The following PTTG2 variants were observed in gnomAD, a reference collection of about 807,000 sequenced individuals.
PTTG2 encodes securin-2.
For missense variants in PTTG2, 218 were observed against 226.3 expected (o/e 0.96, Z 0.23); for synonymous variants, 90 against 84.2 (o/e 1.07, Z -0.37).
At position 37,960,689 on chromosome 4, in the gene PTTG2, G is replaced by A; in HGVS notation, c.255G>A (p.Gln85=). 6.2e-7 allele frequency: 1 copy of A among 1,614,200 alleles called. No individual in the cohort carries two copies. Among genetic ancestry groups the A allele is most frequent in the Non-Finnish European group, 8.5e-7 (1 of 1,180,032 alleles). The change falls in exon 1 of 1, where the codon CAG becomes CAA. Residue 85 remains glutamine (Q), a synonymous_variant. Coordinates refer to ENST00000504686, the MANE Select transcript of PTTG2 (RefSeq NM_006607.3). ...VKTNGPRKQK[Q]PSFSAKKMTE... Reference sequence around the variant, plus strand: ...CCAATGGACCCAGAAAACAAAAACAGCCAAGCTTTTCTGCCAAAAAGATGA... The same window carrying A: ...CCAATGGACCCAGAAAACAAAAACAACCAAGCTTTTCTGCCAAAAAGATGA...
Position 37,960,801 on chromosome 4 carries a change from C to A in PTTG2, c.367C>A (p.Leu123Ile), listed in dbSNP as rs769138743. ...AGAAAAATTCTTTCCCTTCAATCTT[C>A]TAGACTTTGAGAGTTTTGACCTGCC... is the stretch of plus-strand genomic sequence containing the variant. The part of the protein sequence containing the change: ...EIEKFFPFNL[L>I]DFESFDLPEE... The change falls in exon 1 of 1, where the codon CTA (leucine) becomes ATA (isoleucine). Residue 123 changes from leucine to isoleucine, a missense_variant. Transcript: ENST00000504686. 1 of 1,614,164 alleles carries A rather than the reference C, an allele frequency of 6.2e-7. No individual in the cohort carries two copies. Among genetic ancestry groups the A allele is most frequent in the Non-Finnish European group, 8.5e-7 (1 of 1,180,028 alleles).
chr4:37,960,870 C>G lies in PTTG2; in HGVS notation c.436C>G (p.Leu146Val). Residue 146 changes from leucine to valine, a missense_variant, in exon 1 of 1, where the codon CTC (leucine) becomes GTC (valine). Leu to Val is a conservative substitution (Grantham distance 32). Coordinates refer to ENST00000504686, the MANE Select transcript of PTTG2 (RefSeq NM_006607.3). ...ACACCTCCCCTTGAGTGGAGTGCCT[C>G]TCATGATCCTTGATGAGGAGGGAGA... ...IAHLPLSGVPLMILDEEGELE... is the reference protein window; with the variant it reads ...IAHLPLSGVPVMILDEEGELE... 2 of 1,614,174 alleles carry G rather than the reference C, an allele frequency of 1.2e-6. No individual in the cohort carries two copies. The highest frequency in any genetic ancestry group is 1.7e-6 in the Non-Finnish European group (2 of 1,180,032).
Position 37,960,740 on chromosome 4 carries a change from T to A in PTTG2, c.306T>A (p.Ser102Arg). The change falls in exon 1 of 1, where the codon AGT (serine) becomes AGA (arginine). Residue 102 changes from serine to arginine, a missense_variant. Physicochemically the swap from Ser to Arg is moderately radical, Grantham distance 110 (BLOSUM62 -1). Coordinates refer to ENST00000504686, the MANE Select transcript of PTTG2 (RefSeq NM_006607.3). Reference protein sequence around the residue: ...KMTEKTVKTKSSVPASDDAYP... With the variant: ...KMTEKTVKTKRSVPASDDAYP... ...CCGAGAAGACTGTTAAAACAAAAAG[T>A]TCTGTTCCTGCCTCAGATGACGCCT... 1 of 1,614,080 alleles carries A rather than the reference T, an allele frequency of 6.2e-7. No homozygotes were observed. The highest frequency in any genetic ancestry group is 2.2e-5 in the East Asian group (1 of 44,890).
chr4:37,960,658 TA>T, the PTTG2 span: 2 of 1,614,156 alleles, frequency 1.2e-6, no homozygotes, highest in Non-Finnish European at 1.7e-6. Flanking sequence ...GAAAAGTCAG[TA>T]AAGACCAATG....
At position 37,960,493 on chromosome 4, in the gene PTTG2, C is replaced by T; in HGVS notation, c.59C>T (p.Ala20Val). 1.9e-6 allele frequency: 3 copies of T among 1,614,052 alleles called. No homozygotes were observed. The highest frequency in any genetic ancestry group is 2.5e-6 in the Non-Finnish European group (3 of 1,179,990). Residue 20 changes from alanine to valine, a missense_variant, in exon 1 of 1, where the codon GCC becomes GTC. Ala to Val is a moderately conservative substitution (Grantham distance 64). Transcript: ENST00000504686. ...EIGEPGTRVA[A>V]KDVLKLESRP... ...GGAGAACCAGGCACCCGTGTGGCTG[C>T]CAAGGATGTGCTGAAGCTGGAGTCT...
Position 37,960,950 on chromosome 4 carries a change from A to G in PTTG2, c.516A>G (p.Pro172=). The change falls in exon 1 of 1, where the codon CCA becomes CCG. Residue 172 remains proline (P), a synonymous_variant. Transcript: ENST00000504686. Reference sequence around the variant, plus strand: ...CTTCACCTGTGAAAATGCCCTCTCCACCATGGGAATGCAATCTGTTTGCAG... The same window carrying G: ...CTTCACCTGTGAAAATGCCCTCTCCGCCATGGGAATGCAATCTGTTTGCAG... The part of the protein sequence containing the change: ...GPPSPVKMPS[P]PWECNLFAVS... The G allele has an allele frequency of 1.2e-6, 2 of 1,614,110 alleles. No individual in the cohort carries two copies. The highest frequency in any genetic ancestry group is 1.7e-6 in the Non-Finnish European group (2 of 1,180,020).
At position 37,960,988 on chromosome 4, in the gene PTTG2, A is replaced by G. The variant is rs199908908; in HGVS notation, c.554A>G (p.His185Arg). The G allele has an allele frequency of 1.9e-6, 3 of 1,578,460 alleles. No individual in the cohort carries two copies. The highest frequency in any genetic ancestry group is 2.6e-6 in the Non-Finnish European group (3 of 1,157,540). Residue 185 changes from histidine to arginine, a missense_variant, in exon 1 of 1, where the codon CAT becomes CGT. His to Arg is a conservative substitution (Grantham distance 29). Coordinates refer to ENST00000504686, the MANE Select transcript of PTTG2 (RefSeq NM_006607.3). ...ECNLFAVSFKHSVDPGC is the reference protein window; with the variant it reads ...ECNLFAVSFKRSVDPGC The stretch of plus-strand genomic sequence containing the variant: ...AATCTGTTTGCAGTCTCCTTCAAGC[A>G]TTCTGTCGACCCTGGATGTTGAATT...
Position 37,960,852 on chromosome 4 carries a change from C to T in PTTG2, c.418C>T (p.Pro140Ser). The change falls in exon 1 of 1, where the codon CCC (proline) becomes TCC (serine). Residue 140 changes from proline to serine, a missense_variant. Physicochemically the swap from Pro to Ser is moderately conservative, Grantham distance 74. Coordinates refer to ENST00000504686, the MANE Select transcript of PTTG2 (RefSeq NM_006607.3). The stretch of plus-strand genomic sequence containing the variant: ...TGAAGAGCGCCAGATTGCACACCTC[C>T]CCTTGAGTGGAGTGCCTCTCATGAT... ...LPEERQIAHL[P>S]LSGVPLMILD... is the part of the protein sequence containing the mutation. The T allele has an allele frequency of 6.2e-7, 1 of 1,614,164 alleles. No homozygotes were observed. Among genetic ancestry groups the T allele is most frequent in the East Asian group, 2.2e-5 (1 of 44,890 alleles).
At chr4:37,960,771 GA>G in the PTTG2 span, 1 of 1,614,150 alleles carries the variant, frequency 6.2e-7, no homozygotes, top group Non-Finnish European at 8.5e-7. Context: ...CGCCTATCCA[GA>G]AATAGAAAAA....
At chr4:37,960,788 TC>T in the PTTG2 span, 1 of 1,614,040 alleles carries the variant, frequency 6.2e-7, no homozygotes, top group African/African-American at 1.3e-5. Context: ...AAAAATTCTT[TC>T]CCTTCAATCT....
chr4:37,960,790 C>T lies in PTTG2; in HGVS notation c.356C>T (p.Pro119Leu). ...TATCCAGAAATAGAAAAATTCTTTC[C>T]CTTCAATCTTCTAGACTTTGAGAGT... ...DAYPEIEKFF[P>L]FNLLDFESFD... The change falls in exon 1 of 1, where the codon CCC (proline) becomes CTC (leucine). Residue 119 changes from proline (P) to leucine (L), a missense_variant. Transcript: ENST00000504686. 1 of 1,614,148 alleles carries T rather than the reference C, an allele frequency of 6.2e-7. No individual in the cohort carries two copies. The highest frequency in any genetic ancestry group is 8.5e-7 in the Non-Finnish European group (1 of 1,180,018).
At position 37,960,598 on chromosome 4, in the gene PTTG2, C is replaced by A. The variant is rs1560534262; in HGVS notation, c.164C>A (p.Ala55Asp). 1 of 1,614,172 alleles carries A rather than the reference C, an allele frequency of 6.2e-7. No homozygotes were observed. Among genetic ancestry groups the A allele is most frequent in the Admixed American group, 1.7e-5 (1 of 60,002 alleles). Reference sequence around the variant, plus strand: ...GGCAAAACATACGATGCTCCATCAGCCTTACCTAAAGCTACCAGAAAGGCT... The same window carrying A: ...GGCAAAACATACGATGCTCCATCAGACTTACCTAAAGCTACCAGAAAGGCT... ...RFGKTYDAPS[A>D]LPKATRKALG... Residue 55 changes from alanine to aspartate, a missense_variant, in exon 1 of 1, where the codon GCC (alanine) becomes GAC (aspartate). Coordinates refer to ENST00000504686, the MANE Select transcript of PTTG2 (RefSeq NM_006607.3).
the PTTG2 span, chr4:37,960,987 CAT>C: frequency 0.011 from 17,993 of 1,614,202 alleles, 162 homozygotes; most frequent in Middle Eastern, 0.05. Flanking sequence ...CTCCTTCAAG[CAT>C]TCTGTCGACC....
rs373204780 is a variant in PTTG2 at position 37,960,738 on chromosome 4, A to G, written c.304A>G (p.Ser102Gly). 11 of 1,614,058 alleles carry G rather than the reference A, an allele frequency of 6.8e-6. No individual in the cohort carries two copies. Among genetic ancestry groups the G allele is most frequent in the African/African-American group, 2.7e-5 (2 of 74,904 alleles). Reference sequence around the variant, plus strand: ...GACCGAGAAGACTGTTAAAACAAAAAGTTCTGTTCCTGCCTCAGATGACGC... The same window carrying G: ...GACCGAGAAGACTGTTAAAACAAAAGGTTCTGTTCCTGCCTCAGATGACGC... ...KMTEKTVKTK[S>G]SVPASDDAYP... Residue 102 changes from serine to glycine, a missense_variant, in exon 1 of 1, where the codon AGT becomes GGT. Physicochemically the swap from Ser to Gly is moderately conservative, Grantham distance 56. Transcript: ENST00000504686.
Position 37,961,115 on chromosome 4 carries a change from T to G in PTTG2, c.*105T>G, listed in dbSNP as rs1057451842. 1.0e-5 allele frequency: 15 copies of G among 1,469,570 alleles called. No individual in the cohort carries two copies. The highest frequency in any genetic ancestry group is 1.4e-5 in the African/African-American group (1 of 71,148). The allele number at this position is 1,469,570 out of a possible 1,614,324, so 91.0% of individuals were successfully genotyped here. ...ATTATTTGTTTAACAACATAATAAA[T>G]ACATAAATATAAAGTGGGTCATATT... On this transcript the variant is annotated 3_prime_UTR_variant, in exon 1 of 1. Coordinates refer to ENST00000504686, the MANE Select transcript of PTTG2 (RefSeq NM_006607.3).
rs746314097 is a variant in PTTG2 at position 37,960,611 on chromosome 4, T to C, written c.177T>C (p.Ala59=). Residue 59 remains alanine, a synonymous_variant, in exon 1 of 1, where the codon GCT becomes GCC. Transcript: ENST00000504686. ...TYDAPSALPK[A]TRKALGTVNR... is the part of the protein sequence containing the mutation. ...ATGCTCCATCAGCCTTACCTAAAGC[T>C]ACCAGAAAGGCTTTGGGCACTGTCA... 1.2e-6 allele frequency: 2 copies of C among 1,614,160 alleles called. No homozygotes were observed. Among genetic ancestry groups the C allele is most frequent in the Non-Finnish European group, 1.7e-6 (2 of 1,180,040 alleles).
rs1225422783 is a variant in PTTG2, at chr4:37,960,975, G to A, written c.541G>A (p.Val181Ile). The change falls in exon 1 of 1, where the codon GTC (valine) becomes ATC (isoleucine). Residue 181 changes from valine (V) to isoleucine (I), a missense_variant. Val to Ile is a conservative substitution (Grantham distance 29). Coordinates refer to ENST00000504686, the MANE Select transcript of PTTG2 (RefSeq NM_006607.3). Reference protein sequence around the residue: ...SPPWECNLFAVSFKHSVDPGC With the variant: ...SPPWECNLFAISFKHSVDPGC ...ACCATGGGAATGCAATCTGTTTGCA[G>A]TCTCCTTCAAGCATTCTGTCGACCC... 8 of 1,614,002 alleles carry A rather than the reference G, an allele frequency of 5.0e-6. No individual in the cohort carries two copies. The highest frequency in any genetic ancestry group is 4.0e-5 in the African/African-American group (3 of 74,884).
chr4:37,960,657 G>A lies in PTTG2; in HGVS notation c.223G>A (p.Val75Ile). The A allele has an allele frequency of 6.2e-7, 1 of 1,614,210 alleles. No individual in the cohort carries two copies. Among genetic ancestry groups the A allele is most frequent in the Non-Finnish European group, 8.5e-7 (1 of 1,180,028 alleles). Residue 75 changes from valine to isoleucine, a missense_variant, in exon 1 of 1, where the codon GTA becomes ATA. Transcript: ENST00000504686. ...GTVNRATEKS[V>I]KTNGPRKQKQ... is the part of the protein sequence containing the mutation. The stretch of plus-strand genomic sequence containing the variant: ...TGTCAACAGAGCTACAGAAAAGTCA[G>A]TAAAGACCAATGGACCCAGAAAACA...
In PTTG2 at chr4:37,960,686, A is replaced by G. The variant is rs758429353; in HGVS notation, c.252A>G (p.Lys84=). The G allele has an allele frequency of 3.1e-6, 5 of 1,614,124 alleles. No individual in the cohort carries two copies. Among genetic ancestry groups the G allele is most frequent in the Non-Finnish European group, 4.2e-6 (5 of 1,180,054 alleles). Residue 84 remains lysine, a synonymous_variant, in exon 1 of 1, where the codon AAA becomes AAG. Coordinates refer to ENST00000504686, the MANE Select transcript of PTTG2 (RefSeq NM_006607.3). ...AGACCAATGGACCCAGAAAACAAAAACAGCCAAGCTTTTCTGCCAAAAAGA... is the reference window on the plus strand; with the variant it reads ...AGACCAATGGACCCAGAAAACAAAAGCAGCCAAGCTTTTCTGCCAAAAAGA... The part of the protein sequence containing the change: ...SVKTNGPRKQ[K]QPSFSAKKMT...
Sources: allele counts gnomAD v4.1 joint callset, GRCh38; gene constraint gnomAD v4.1.1; transcripts MANE v1.5; gene names NCBI Gene and HGNC (gene_info 2026-07-23, HGNC 2026-07-21).